POU2F2: variants seen among roughly 807,000 people sequenced by gnomAD.
POU2F2 encodes POU class 2 homeobox 2, also known as POU domain, class 2, transcription factor 2.
A neutral mutation model predicts 63.5 loss-of-function variants in POU2F2; 14 were observed. The ratio of observed to expected loss-of-function variants is 0.22; its 90% CI spans 0.15 to 0.34. The LOEUF (loss-of-function observed/expected upper bound fraction) is 0.34, where lower values mean the gene tolerates loss of function less well. POU2F2 is among the 10% of genes least tolerant of loss of function. POU2F2 has a pLI of 1.00. For missense variants in POU2F2, 607 were observed against 815.2 expected (o/e 0.74, Z 3.11); for synonymous variants, 306 against 348.6 (o/e 0.88, Z 1.36).
At chr19:42,154,189 G>GA (rs963378931) in intron 2 of POU2F2, among the ~76,000 whole-genome samples, 5 of 151,700 alleles carry the variant, frequency 3.3e-5, no homozygotes, top group African/African-American at 4.8e-5. Context: ...TTAGAAACAG[G>GA]AAAAAAAGGG....
chr19:42,186,804 C>G (rs1219074473), intron 1 of POU2F2, among the ~76,000 whole-genome samples: 1 of 151,940 alleles, frequency 6.6e-6, no homozygotes, highest in African/African-American at 2.4e-5. Flanking sequence ...GAGGGTGGTG[C>G]CAAGGATGAT....
chr19:42,093,005 ATATATT>A (rs1164580519), intron 12 of POU2F2, among the ~76,000 whole-genome samples: 3 of 94,932 alleles, frequency 3.2e-5, no homozygotes, highest in Admixed American at 1.1e-4. Flanking sequence ...ATATATATAT[ATATATT>A]TTTTTTTTTT....
At position 42,193,197 on chromosome 19, in the gene POU2F2, G is replaced by A. The variant is rs1436486518; in HGVS notation, c.-70+3186C>T. On this transcript the variant is annotated intron_variant, in intron 1 of 5. Transcript: ENST00000532176. The stretch of plus-strand genomic sequence containing the variant: ...CGGGCCACTGCACTGCAACCTGGGC[G>A]ACAGAACGAGACTCCGTCTCAAAAA... 3.0e-5 allele frequency among the ~76,000 whole-genome samples: 4 copies of A among 134,956 alleles called. No homozygotes were observed. In the South Asian group the frequency reaches 7.1e-4, roughly 24 times the overall value. 88.5% of individuals were successfully genotyped at this position (134,956 alleles called of 152,430 possible).
chr19:42,097,495 CTT>C (rs565786464), intron 7 of POU2F2, among the ~76,000 whole-genome samples: 21 of 136,218 alleles, frequency 1.5e-4, no homozygotes, highest in East Asian at 2.1e-4. Flanking sequence ...TGCGCCCTGC[CTT>C]TTTTTTTTTT....
chr19:42,102,757 G>A (rs570130021), intron 5 of POU2F2, among the ~76,000 whole-genome samples: 6 of 152,162 alleles, frequency 3.9e-5, no homozygotes, highest in Non-Finnish European at 5.9e-5. Flanking sequence ...CCAATAGGAA[G>A]GGCAAAATGT....
rs564668087 is a variant in POU2F2, at chr19:42,099,927, C to T, written c.370-106G>A. ...GGGCTGAAACCAGGAAGCTGCTCCA[C>T]ATGGCGATCTGGCACTGGGCAGTGA... On this transcript the variant is annotated intron_variant, in intron 5 of 14. Coordinates refer to ENST00000692977, the MANE Select transcript of POU2F2 (RefSeq NM_001394376.1). 4 of 883,034 alleles carry T rather than the reference C, an allele frequency of 4.5e-6. No individual in the cohort carries two copies. The South Asian group carries it at 6.2e-5, about 14-fold the overall frequency. 54.7% of individuals were successfully genotyped at this position (883,034 alleles called of 1,614,324 possible).
At chr19:42,175,737 T>C (rs1252422701) in intron 1 of POU2F2, among the ~76,000 whole-genome samples, 1 of 151,978 alleles carries the variant, frequency 6.6e-6, no homozygotes, top group Admixed American at 6.6e-5. Context: ...TTACAGACTT[T>C]GTCCAGAGAG....
chr19:42,194,477 G>C (rs1458532376), intron 1 of POU2F2, among the ~76,000 whole-genome samples: 3 of 147,050 alleles, frequency 2.0e-5, no homozygotes, highest in Non-Finnish European at 3.0e-5. Flanking sequence ...GAAAGGAAGA[G>C]ATCGGGTGCC....
Position 42,088,146 on chromosome 19 carries a change from G to A in POU2F2, c.*3111C>T, listed in dbSNP as rs185318882. ...TCCTCAGGGGAGGGGGGCCCAGGGG[G>A]AGACCTGGGGCTCACCTGCCCCTCC... On this transcript the variant is annotated 3_prime_UTR_variant, in exon 15 of 15. Transcript: ENST00000692977. 9.2e-5 allele frequency: 14 copies of A among 152,330 alleles called. No homozygotes were observed. The highest frequency in any genetic ancestry group is 3.1e-4 in the African/African-American group (13 of 41,570). The allele number at this position is 152,330 out of a possible 1,614,324, so 9.4% of individuals were successfully genotyped here.
intron 5 of POU2F2, among the ~76,000 whole-genome samples, chr19:42,102,831 G>T (rs552854090): frequency 6.6e-6 from 1 of 152,022 alleles, no homozygotes. Context: ...CTACTTTTAC[G>T]TTTAAACATT....
chr19:42,165,785 G>C (rs957131838), intron 1 of POU2F2, among the ~76,000 whole-genome samples: 1 of 152,116 alleles, frequency 6.6e-6, no homozygotes, highest in Admixed American at 6.5e-5. Context: ...CACAAAAAAG[G>C]GGCAATGAGT....
At chr19:42,114,344 A>G (rs1417392847) in intron 5 of POU2F2, among the ~76,000 whole-genome samples, 1 of 151,634 alleles carries the variant, frequency 6.6e-6, no homozygotes, top group African/African-American at 2.4e-5. Flanking sequence ...GGCTGGGGGG[A>G]GGGAAGTCAT....
chr19:42,128,335 T>C (rs2033386457), intron 1 of POU2F2, among the ~76,000 whole-genome samples: 1 of 152,172 alleles, frequency 6.6e-6, no homozygotes. Flanking sequence ...AAGGTATGAT[T>C]TCCTCTGCAG....
At chr19:42,187,739 C>G (rs1035757895) in intron 1 of POU2F2, among the ~76,000 whole-genome samples, 2 of 145,044 alleles carry the variant, frequency 1.4e-5, no homozygotes, top group African/African-American at 5.2e-5. Context: ...TCCGGTCTGA[C>G]CGACAGAGCG....
At chr19:42,125,185 C>T (rs954491789) in intron 1 of POU2F2, among the ~76,000 whole-genome samples, 1 of 151,872 alleles carries the variant, frequency 6.6e-6, no homozygotes, top group Non-Finnish European at 1.5e-5. Context: ...TAGTGAAATC[C>T]CCGTCTCTCC....
intron 1 of POU2F2, among the ~76,000 whole-genome samples, chr19:42,194,470 A>G (rs2035107341): frequency 6.7e-6 from 1 of 150,078 alleles, no homozygotes. Flanking sequence ...GAAGAAAGAA[A>G]GGAAGAGATC....
chr19:42,174,505 G>A (rs2034833837), intron 1 of POU2F2, among the ~76,000 whole-genome samples: 1 of 152,176 alleles, frequency 6.6e-6, no homozygotes, highest in Non-Finnish European at 1.5e-5. Flanking sequence ...GGAGAGATCA[G>A]TACAAATATG....
Position 42,117,430 on chromosome 19 carries a change from C to T in POU2F2, c.189G>A (p.Val63=). ...TTAAGTGGAGGCCAGAGAGAATGCC[C>T]ACCTGTGAACCAAAGAGAGGGCACG... ...SVSPTGPSTK[V]GILSGLHLTF... is the part of the protein sequence containing the mutation. The change falls in exon 5 of 15, where the codon GTG becomes GTA. Residue 63 remains valine, a splice_region_variant and synonymous_variant. Transcript: ENST00000692977. This position sits in a 1 kb window ranked among gnomAD's most constrained non-coding sequence, Gnocchi z 4.4. 1 of 1,173,844 alleles carries T rather than the reference C, an allele frequency of 8.5e-7. No individual in the cohort carries two copies. The highest frequency in any genetic ancestry group is 1.2e-6 in the Non-Finnish European group (1 of 822,738). 72.7% of individuals were successfully genotyped at this position (1,173,844 alleles called of 1,614,324 possible). A position where few individuals can be genotyped will look rare whatever the true frequency, so the allele number is the denominator to read the frequency against.
At chr19:42,149,981 T>G (rs1285201642) in intron 2 of POU2F2, among the ~76,000 whole-genome samples, 1 of 152,204 alleles carries the variant, frequency 6.6e-6, no homozygotes, top group Non-Finnish European at 1.5e-5. Context: ...CCTGGGGGAC[T>G]GAGAGCTGAA....
Sources: allele counts gnomAD v4.1 joint callset (sites outside exome capture counted in the v4.1 genomes callset), GRCh38; gene constraint gnomAD v4.1.1; non-coding constraint Gnocchi (gnomAD v3.1); transcripts MANE v1.5; gene names NCBI Gene and HGNC (gene_info 2026-07-23, HGNC 2026-07-21).